The following MMP16 variants were observed in gnomAD, a reference collection of about 807,000 sequenced individuals.
The protein encoded by MMP16 is matrix metallopeptidase 16, also known as matrix metalloproteinase-16.
MMP16 carries 12 observed loss-of-function variants against 67.8 expected under a neutral mutation model. The ratio of observed to expected loss-of-function variants is 0.18; its 90% CI spans 0.11 to 0.29. The LOEUF (loss-of-function observed/expected upper bound fraction) is 0.29, where lower values mean the gene tolerates loss of function less well. Ranked by LOEUF, MMP16 falls within the 10% of genes least tolerant of loss-of-function variation. The pLI is 1.00. For missense variants in MMP16, 475 were observed against 765.7 expected (o/e 0.62, Z 4.48); for synonymous variants, 249 against 255.9 (o/e 0.97, Z 0.26).
At chr8:88,193,047 C>T (rs985958292) in intron 2 of MMP16, among the ~76,000 whole-genome samples, 1 of 152,100 alleles carries the variant, frequency 6.6e-6, no homozygotes, top group East Asian at 1.9e-4. Context: ...AACAATCCCA[C>T]TGCTGGGCAT....
intron 4 of MMP16, among the ~76,000 whole-genome samples, chr8:88,148,318 C>G (rs1054093944): frequency 3.9e-5 from 6 of 152,032 alleles, no homozygotes; most frequent in Non-Finnish European, 8.8e-5. Context: ...ATCTGAAATC[C>G]TGGAGATTAA....
intron 1 of MMP16, among the ~76,000 whole-genome samples, chr8:88,292,298 T>C (rs1340118545): frequency 6.6e-6 from 1 of 152,300 alleles, no homozygotes; most frequent in East Asian, 1.9e-4. Flanking sequence ...TCTTAATCAA[T>C]TGTGGGATTA....
At chr8:88,056,448 A>G (rs1256464462) in intron 7 of MMP16, among the ~76,000 whole-genome samples, 170 bp from the exon 8 acceptor site, 1 of 150,820 alleles carries the variant, frequency 6.6e-6, no homozygotes, top group African/African-American at 2.4e-5. Context: ...CATCTGGAAT[A>G]TTAATGTTAT....
In MMP16 at chr8:88,274,589, TA is replaced by T. The variant is rs371841639; in HGVS notation, c.132+52485del. Reference sequence around the variant, plus strand: ...ATGCATGAAGGAACACCTGCTTGAATAAAATAATGAACATAAAAGTTCAACT... The same window carrying T: ...ATGCATGAAGGAACACCTGCTTGAATAAATAATGAACATAAAAGTTCAACT... On this transcript the variant is annotated intron_variant, in intron 1 of 9. Transcript: ENST00000286614. Among the ~76,000 whole-genome samples the T allele has an allele frequency of 2.6e-3, 391 of 151,942 alleles. 4 individuals are homozygous for T. The Middle Eastern group carries it at 0.031, about 12-fold the overall frequency.
chr8:88,185,042 G>A (rs1466270184), intron 3 of MMP16, among the ~76,000 whole-genome samples: 4 of 152,090 alleles, frequency 2.6e-5, no homozygotes, highest in Non-Finnish European at 4.4e-5. Context: ...CATGGGCTTG[G>A]CCTAAAGCTG....
At chr8:88,129,597 G>T (rs759783214) in intron 4 of MMP16, among the ~76,000 whole-genome samples, 12 of 151,208 alleles carry the variant, frequency 7.9e-5, no homozygotes, top group South Asian at 4.2e-4. Flanking sequence ...AAAAAGAAAA[G>T]AAAAGGTTGT....
intron 8 of MMP16, 130 bp from the exon 9 acceptor site, chr8:88,046,914 G>C (rs994088677): frequency 1.0e-5 from 5 of 494,986 alleles, no homozygotes; most frequent in South Asian, 3.5e-5. Context: ...CTGTGCACCT[G>C]TTAATGATTT....
At chr8:88,258,877 A>G (rs1215378266) in intron 1 of MMP16, among the ~76,000 whole-genome samples, 2 of 152,224 alleles carry the variant, frequency 1.3e-5, no homozygotes, top group African/African-American at 4.8e-5. Flanking sequence ...GTTGAGTTCT[A>G]TTTAACATAT....
intron 1 of MMP16, among the ~76,000 whole-genome samples, chr8:88,237,045 C>T (rs531319794): frequency 6.6e-6 from 1 of 152,292 alleles, no homozygotes; most frequent in South Asian, 2.1e-4. Flanking sequence ...TAAATCTCCG[C>T]AACTGCTCAA....
intron 4 of MMP16, among the ~76,000 whole-genome samples, chr8:88,133,742 A>G (rs1042973173): frequency 5.3e-5 from 8 of 151,860 alleles, no homozygotes; most frequent in African/African-American, 1.9e-4. Context: ...ACAATGTGAC[A>G]GACATTATTA....
chr8:88,206,824 G>T (rs372323139), intron 1 of MMP16, among the ~76,000 whole-genome samples: 1 of 152,126 alleles, frequency 6.6e-6, no homozygotes, highest in African/African-American at 2.4e-5. Flanking sequence ...TTCACTTAAA[G>T]ATGAAGTTTT....
chr8:88,289,724 ACACACACC>A (rs1436098000), intron 1 of MMP16, among the ~76,000 whole-genome samples: 3 of 131,590 alleles, frequency 2.3e-5, no homozygotes, highest in Non-Finnish European at 5.0e-5. Context: ...ACACACACAC[ACACACACC>A]CCACTCATAT....
intron 1 of MMP16, among the ~76,000 whole-genome samples, chr8:88,276,713 G>C (rs936855193): frequency 6.6e-6 from 1 of 151,964 alleles, no homozygotes; most frequent in Non-Finnish European, 1.5e-5. Context: ...ATAGTGCTTG[G>C]GGGTTGATAA....
chr8:88,265,191 G>T (rs1026503085), intron 1 of MMP16, among the ~76,000 whole-genome samples: 4 of 141,404 alleles, frequency 2.8e-5, no homozygotes, highest in African/African-American at 5.2e-5. Flanking sequence ...CAGCCCTCAA[G>T]TAGACAAACT....
chr8:88,056,137 T>C lies in MMP16; in HGVS notation c.1364A>G (p.Lys455Arg). 6.4e-7 allele frequency: 1 copy of C among 1,564,872 alleles called. No individual in the cohort carries two copies. The highest frequency in any genetic ancestry group is 8.7e-7 in the Non-Finnish European group (1 of 1,152,114). The change falls in exon 8 of 10, where the codon AAG becomes AGG. Residue 455 changes from lysine (K) to arginine (R), a missense_variant. By Grantham distance (26) the Lys-to-Arg change is conservative. Transcript: ENST00000286614. ...AGAAGTGTATACTGACCTGTCTCCC[T>C]TGAAGAAATAGGTTTTCCCGACGTC... Reference protein sequence around the residue: ...WEDVGKTYFFKGDRYWRYSEE... With the variant: ...WEDVGKTYFFRGDRYWRYSEE...
At chr8:88,292,747 A>G (rs970151934) in intron 1 of MMP16, among the ~76,000 whole-genome samples, 15 of 152,202 alleles carry the variant, frequency 9.9e-5, no homozygotes, top group African/African-American at 3.6e-4. Flanking sequence ...ATCCATTCAC[A>G]CCACCAAATA....
At chr8:88,158,387 C>CACT (rs760111794) in intron 4 of MMP16, among the ~76,000 whole-genome samples, 1 of 151,084 alleles carries the variant, frequency 6.6e-6, no homozygotes, top group Admixed American at 6.6e-5. Context: ...GATGGTATCT[C>CACT]GTGGTTTTGA....
chr8:88,055,763 C>G (rs1478359457), intron 8 of MMP16, among the ~76,000 whole-genome samples: 1 of 151,932 alleles, frequency 6.6e-6, no homozygotes, highest in Non-Finnish European at 1.5e-5. Flanking sequence ...TGTGAAAACA[C>G]AAAAATCCTG....
Position 88,322,258 on chromosome 8 carries a change from G to C in MMP16, c.132+4817C>G, listed in dbSNP as rs150796732. Among the ~76,000 whole-genome samples the C allele has an allele frequency of 1.3e-3, 198 of 152,274 alleles. 2 individuals are homozygous for C. The highest frequency in any genetic ancestry group is 4.7e-3 in the African/African-American group (196 of 41,546). On this transcript the variant is annotated intron_variant, in intron 1 of 9. Coordinates refer to ENST00000286614, the MANE Select transcript of MMP16 (RefSeq NM_005941.5). Reference sequence around the variant, plus strand: ...AGCGAACGTGATGTTGTAAAAGAAGGTGTGAGCTGAACTTGATATTCTATG... The same window carrying C: ...AGCGAACGTGATGTTGTAAAAGAAGCTGTGAGCTGAACTTGATATTCTATG...
Sources: allele counts gnomAD v4.1 joint callset (sites outside exome capture counted in the v4.1 genomes callset), GRCh38; gene constraint gnomAD v4.1.1; transcripts MANE v1.5; gene names NCBI Gene and HGNC (gene_info 2026-07-23, HGNC 2026-07-21).